Variants in BBS9 observed in about 807,000 individuals in gnomAD.
The protein encoded by BBS9 is Bardet-Biedl syndrome 9, also known as protein PTHB1.
Under a neutral mutation model 117.7 loss-of-function variants are expected in BBS9, and 89 were observed. The ratio of observed to expected loss-of-function variants is 0.76; its 90% CI spans 0.64 to 0.90. BBS9 has a LOEUF of 0.90. Among genes scored for constraint, BBS9 ranks in the 40% least tolerant of loss-of-function variants. BBS9 has a pLI of 0.00. For missense variants in BBS9, 982 were observed against 1,042.2 expected (o/e 0.94, Z 0.80); for synonymous variants, 379 against 370.9 (o/e 1.02, Z -0.25).
intron 11 of BBS9, among the ~76,000 whole-genome samples, chr7:33,342,110 A>G (rs1171362574): frequency 6.6e-6 from 1 of 152,138 alleles, no homozygotes. Flanking sequence ...AACGTATATC[A>G]TGAGTGTCAA....
intron 19 of BBS9, among the ~76,000 whole-genome samples, chr7:33,434,026 G>C (rs1466880901): frequency 6.6e-6 from 1 of 151,478 alleles, no homozygotes; most frequent in African/African-American, 2.4e-5. Flanking sequence ...GTTGATTTTT[G>C]GTGAACATAT....
downstream of BBS9, among the ~76,000 whole-genome samples, chr7:33,610,815 T>A (rs1489200949): frequency 1.3e-5 from 2 of 152,140 alleles, no homozygotes; most frequent in Non-Finnish European, 2.9e-5. Context: ...TTTTTAGTAA[T>A]TAATTGTTCC....
intron 9 of BBS9, among the ~76,000 whole-genome samples, chr7:33,289,458 A>G (rs765448712): frequency 6.6e-6 from 1 of 152,202 alleles, no homozygotes; most frequent in African/African-American, 2.4e-5. Context: ...AGTGTTATGT[A>G]AAAGTGTTTT....
intron 19 of BBS9, among the ~76,000 whole-genome samples, chr7:33,424,665 G>T (rs1833387119): frequency 6.6e-6 from 1 of 152,124 alleles, no homozygotes; most frequent in Non-Finnish European, 1.5e-5. Context: ...GGGTTTAACA[G>T]AATTTTGTAG....
Position 33,441,486 on chromosome 7 carries a change from T to A in BBS9, c.2115+53342T>A, listed in dbSNP as rs1836175614. On this transcript the variant is annotated intron_variant, in intron 19 of 22. Transcript: ENST00000242067. ...TAAAATGAAAATCACAATAATACCTTGTGGAAACTTAATTCATCATTTAAT... is the reference window on the plus strand; with the variant it reads ...TAAAATGAAAATCACAATAATACCTAGTGGAAACTTAATTCATCATTTAAT... 3.3e-5 allele frequency among the ~76,000 whole-genome samples: 5 copies of A among 152,312 alleles called. No homozygotes were observed. The South Asian group carries it at 6.2e-4, about 19-fold the overall frequency.
chr7:33,242,622 G>C (rs954622353), intron 5 of BBS9, among the ~76,000 whole-genome samples: 1 of 151,676 alleles, frequency 6.6e-6, no homozygotes, highest in Non-Finnish European at 1.5e-5. Context: ...TGAGAATCAG[G>C]GTCTTATATG....
chr7:33,169,543 G>C (rs1344894324), intron 4 of BBS9, among the ~76,000 whole-genome samples: 1 of 149,428 alleles, frequency 6.7e-6, no homozygotes, highest in Non-Finnish European at 1.5e-5. Context: ...GTTTTGATTT[G>C]CATTTCTCTG....
intron 19 of BBS9, among the ~76,000 whole-genome samples, chr7:33,409,872 T>C (rs960311224): frequency 6.6e-6 from 1 of 152,132 alleles, no homozygotes. Flanking sequence ...TGTATTTCCC[T>C]TTTTTTCCCT....
At chr7:33,186,752 A>C (rs1019302) in intron 5 of BBS9, among the ~76,000 whole-genome samples, 2 of 152,184 alleles carry the variant, frequency 1.3e-5, no homozygotes, top group South Asian at 4.1e-4. Context: ...GTTGTTTTTT[A>C]AAATTTAAAT....
chr7:33,141,206 T>C (rs1791402807), intron 1 of BBS9, among the ~76,000 whole-genome samples: 1 of 152,048 alleles, frequency 6.6e-6, no homozygotes, highest in South Asian at 2.1e-4. Flanking sequence ...GTGGATTGCT[T>C]GAGGTCAGGA....
intron 5 of BBS9, among the ~76,000 whole-genome samples, chr7:33,205,439 A>G (rs896969327): frequency 6.6e-6 from 1 of 152,192 alleles, no homozygotes; most frequent in Non-Finnish European, 1.5e-5. Flanking sequence ...GTCATCTTCC[A>G]TTCCCAGTAA....
intron 20 of BBS9, among the ~76,000 whole-genome samples, chr7:33,529,767 C>T (rs1391455531): frequency 6.6e-6 from 1 of 152,126 alleles, no homozygotes; most frequent in African/African-American, 2.4e-5. Context: ...ATGCCCAATT[C>T]CCTTCCAGAA....
chr7:33,158,666 A>G (rs1289532337), intron 4 of BBS9, among the ~76,000 whole-genome samples: 1 of 152,190 alleles, frequency 6.6e-6, no homozygotes, highest in African/African-American at 2.4e-5. Flanking sequence ...GCTGACACCT[A>G]TGTTCATTGA....
At chr7:33,293,119 A>G (rs894409603) in intron 9 of BBS9, among the ~76,000 whole-genome samples, 1 of 152,014 alleles carries the variant, frequency 6.6e-6, no homozygotes, top group African/African-American at 2.4e-5. Flanking sequence ...TTCTCATACC[A>G]CTTTCAAAAA....
intron 21 of BBS9, among the ~76,000 whole-genome samples, chr7:33,597,069 T>TCTCA (rs1554555111): frequency 7.2e-6 from 1 of 138,842 alleles, no homozygotes; most frequent in Admixed American, 7.4e-5. Flanking sequence ...TCTCTCTCTG[T>TCTCA]CACACACACA....
intron 4 of BBS9, among the ~76,000 whole-genome samples, chr7:33,172,101 C>T (rs562065069): frequency 6.6e-6 from 1 of 152,232 alleles, no homozygotes; most frequent in African/African-American, 2.4e-5. Context: ...TGCCTCTAGG[C>T]CGGGTGTGGT....
At chr7:33,345,725 A>G (rs1817467185) in intron 12 of BBS9, among the ~76,000 whole-genome samples, 1 of 152,216 alleles carries the variant, frequency 6.6e-6, no homozygotes, top group Admixed American at 6.5e-5. Flanking sequence ...AAAAGAAATA[A>G]CTGTCGAGTT....
At chr7:33,581,095 TGAGAGA>T (rs10609889) in intron 21 of BBS9, among the ~76,000 whole-genome samples, 3,142 of 149,110 alleles carry the variant, frequency 0.021, 62 homozygotes, top group South Asian at 0.096. Context: ...TGTGTGTGTG[TGAGAGA>T]GAGAGAGAGA....
At chr7:33,422,211 T>A (rs1208729709) in intron 19 of BBS9, among the ~76,000 whole-genome samples, 1 of 152,200 alleles carries the variant, frequency 6.6e-6, no homozygotes, top group East Asian at 1.9e-4. Flanking sequence ...GTTATGTTTG[T>A]ATGGTATGCT....
Sources: allele counts gnomAD v4.1 joint callset (sites outside exome capture counted in the v4.1 genomes callset), GRCh38; gene constraint gnomAD v4.1.1; transcripts MANE v1.5; gene names NCBI Gene and HGNC (gene_info 2026-07-23, HGNC 2026-07-21).